FAM110B: variants seen among roughly 807,000 people sequenced by gnomAD.
FAM110B encodes the protein protein FAM110B.
In FAM110B, 6 loss-of-function variants were observed where a neutral mutation model predicts 20.4. That is an observed-to-expected ratio of 0.29 (90% confidence interval 0.16 to 0.58). FAM110B has a LOEUF of 0.58. FAM110B is among the 20% of genes least tolerant of loss of function. The probability of loss-of-function intolerance (pLI) is 0.90; values close to 1 mark genes in which losing one functional copy is unlikely to be tolerated. For synonymous variants in FAM110B, 226 were observed against 214.1 expected (o/e 1.06, Z -0.49); for missense variants, 434 against 498.2 (o/e 0.87, Z 1.23).
At chr8:58,003,662 G>A (rs1156972301) in intron 1 of FAM110B, among the ~76,000 whole-genome samples, 1 of 152,226 alleles carries the variant, frequency 6.6e-6, no homozygotes, top group Non-Finnish European at 1.5e-5. Context: ...CAGGGGCATT[G>A]TAATTGAGCA....
At chr8:58,032,511 G>T (rs2150573360) in intron 2 of FAM110B, 1 of 152,290 alleles carries the variant, frequency 6.6e-6, no homozygotes, top group South Asian at 2.1e-4. Context: ...TAATGTTCAG[G>T]TGTTCAGTCT....
At chr8:58,045,249 GTGGC>G in intron 2 of FAM110B, among the ~76,000 whole-genome samples, 1 of 152,182 alleles carries the variant, frequency 6.6e-6, no homozygotes, top group Admixed American at 6.5e-5. Context: ...CATCAGGGCT[GTGGC>G]AGGGTGTCAG....
At position 58,084,442 on chromosome 8, in the gene FAM110B, T is replaced by C. The variant is rs989970434; in HGVS notation, c.-325+8819T>C. On this transcript the variant is annotated intron_variant, in intron 3 of 3. Coordinates refer to ENST00000519262, the MANE Select transcript of FAM110B (RefSeq NM_001377989.1). ...GTCTCACTCTGTCACCAGGCTGGAG[T>C]GCAGTGGTGTGATCTTGGCTCACTG... 5.1e-4 allele frequency among the ~76,000 whole-genome samples: 77 copies of C among 150,598 alleles called. 2 individuals carry two copies. The East Asian group carries it at 6.9e-3, about 13-fold the overall frequency.
At chr8:58,138,957 C>T (rs770247951) in intron 3 of FAM110B, among the ~76,000 whole-genome samples, 1 of 152,142 alleles carries the variant, frequency 6.6e-6, no homozygotes, top group Non-Finnish European at 1.5e-5. Context: ...TGCTTCCCAT[C>T]CTCTGGTCAT....
chr8:58,072,593 C>T (rs1238853592), intron 2 of FAM110B, among the ~76,000 whole-genome samples: 1 of 152,164 alleles, frequency 6.6e-6, no homozygotes, highest in African/African-American at 2.4e-5. Context: ...ATTTCTGTGA[C>T]AAGAAAATAA....
intron 3 of FAM110B, among the ~76,000 whole-genome samples, chr8:58,092,656 T>G (rs1282279563): frequency 6.6e-6 from 1 of 152,230 alleles, no homozygotes; most frequent in Non-Finnish European, 1.5e-5. Flanking sequence ...TGATGGGTAT[T>G]TGGGTTGGTT....
rs1182569869 is a variant in FAM110B, at chr8:58,101,108, CAG to C, written c.-325+25488_-325+25489del. 2.6e-5 allele frequency: 4 copies of C among 151,312 alleles called. No homozygotes were observed. The East Asian group carries it at 7.8e-4, about 29-fold the overall frequency. 9.4% of individuals were successfully genotyped at this position (151,312 alleles called of 1,614,324 possible). On this transcript the variant is annotated intron_variant, in intron 3 of 3. Transcript: ENST00000519262. ...AGGAGAATGGCGTAAACCTGGGAGACAGAGCTTGCAGTGAGCCAAGATCGTGC... is the reference window on the plus strand; with the variant it reads ...AGGAGAATGGCGTAAACCTGGGAGACAGCTTGCAGTGAGCCAAGATCGTGC...
At chr8:58,018,666 T>A (rs1804683994) in intron 1 of FAM110B, among the ~76,000 whole-genome samples, 1 of 152,212 alleles carries the variant, frequency 6.6e-6, no homozygotes, top group Non-Finnish European at 1.5e-5. Context: ...CCCTATTTTT[T>A]GTATTCTATT....
intron 1 of FAM110B, among the ~76,000 whole-genome samples, chr8:58,014,206 G>C (rs914563682): frequency 6.6e-6 from 1 of 152,096 alleles, no homozygotes; most frequent in Non-Finnish European, 1.5e-5. Context: ...AGCTTCCTGG[G>C]CCTCCCTCTG....
chr8:58,059,414 C>T (rs1805613551), intron 2 of FAM110B, among the ~76,000 whole-genome samples: 1 of 152,096 alleles, frequency 6.6e-6, no homozygotes, highest in Non-Finnish European at 1.5e-5. Flanking sequence ...ACATCATTGC[C>T]AACATTTAGT....
intron 3 of FAM110B, among the ~76,000 whole-genome samples, chr8:58,096,237 G>A (rs527833514): frequency 1.5e-4 from 23 of 152,030 alleles, no homozygotes; most frequent in African/African-American, 3.9e-4. Context: ...GTGCAGTGGC[G>A]CAATGTCTTC....
intron 1 of FAM110B, among the ~76,000 whole-genome samples, chr8:58,007,545 G>C (rs755493277): frequency 6.6e-6 from 1 of 152,182 alleles, no homozygotes; most frequent in African/African-American, 2.4e-5. Context: ...ATCCTCAAGG[G>C]GATGGTATTC....
intron 2 of FAM110B, among the ~76,000 whole-genome samples, chr8:58,065,836 C>T (rs921304176): frequency 7.9e-5 from 12 of 152,218 alleles, no homozygotes; most frequent in East Asian, 5.8e-4. Flanking sequence ...CTATATGTGA[C>T]GTTTCCTTTG....
intron 3 of FAM110B, among the ~76,000 whole-genome samples, chr8:58,097,652 T>G (rs999914901): frequency 2.0e-5 from 3 of 152,228 alleles, no homozygotes; most frequent in Non-Finnish European, 4.4e-5. Flanking sequence ...TTCAGCCTTT[T>G]TCAGCTGGTT....
intron 2 of FAM110B, among the ~76,000 whole-genome samples, chr8:58,067,338 GT>G (rs1377544056): frequency 6.6e-6 from 1 of 152,228 alleles, no homozygotes; most frequent in Non-Finnish European, 1.5e-5. Context: ...GTAGATGAGG[GT>G]TTCGACTTGG....
chr8:58,015,151 T>C (rs1804612722), intron 1 of FAM110B, among the ~76,000 whole-genome samples: 1 of 152,084 alleles, frequency 6.6e-6, no homozygotes, highest in African/African-American at 2.4e-5. Flanking sequence ...AGGTCAGAAG[T>C]TCGAGACCAG....
intron 1 of FAM110B, among the ~76,000 whole-genome samples, chr8:58,028,754 C>T (rs1221824130): frequency 2.0e-5 from 3 of 152,164 alleles, no homozygotes; most frequent in East Asian, 1.9e-4. Context: ...TTTGGGCATG[C>T]GTAGAGGAGT....
At chr8:58,045,273 A>C (rs550475227) in intron 2 of FAM110B, among the ~76,000 whole-genome samples, 17 of 152,176 alleles carry the variant, frequency 1.1e-4, no homozygotes, top group African/African-American at 4.1e-4. Context: ...GCAAAGTGAC[A>C]TATAACCACA....
chr8:58,061,283 G>T (rs1254904753), intron 2 of FAM110B, among the ~76,000 whole-genome samples: 4 of 152,122 alleles, frequency 2.6e-5, no homozygotes, highest in African/African-American at 4.8e-5. Flanking sequence ...CCCTGGAAGG[G>T]TTTTCTGCTC....
Sources: gnomAD v4.1 joint callset for allele counts (sites outside exome capture counted in the v4.1 genomes callset) on GRCh38, gnomAD v4.1.1 for gene constraint, MANE v1.5 for transcripts, NCBI Gene and HGNC (gene_info 2026-07-23, HGNC 2026-07-21) for gene names.